Variants in CPEB4 observed in about 807,000 individuals in gnomAD.
CPEB4 encodes the protein cytoplasmic polyadenylation element-binding protein 4.
CPEB4 carries 12 observed loss-of-function variants against 72.5 expected under a neutral mutation model. The observed-to-expected ratio is 0.17, with a 90% CI of 0.11 to 0.27. CPEB4 has a LOEUF of 0.27. CPEB4 is among the 10% of genes least tolerant of loss of function. The pLI is 1.00. For missense variants in CPEB4, 614 were observed against 908.5 expected (o/e 0.68, Z 4.17); for synonymous variants, 302 against 326.3 (o/e 0.93, Z 0.80).
rs369311710 is a variant in CPEB4, at chr5:173,890,579, C to G, written c.846C>G (p.Pro282=). ...PHLANNLNKP[P]SPWSSYQSPS... Reference sequence around the variant, plus strand: ...TGGCGAATAATCTTAACAAACCCCCCTCTCCGTGGAGCAGCTACCAGAGTC... The same window carrying G: ...TGGCGAATAATCTTAACAAACCCCCGTCTCCGTGGAGCAGCTACCAGAGTC... The change falls in exon 1 of 10, where the codon CCC becomes CCG. Residue 282 remains proline (P), a synonymous_variant. Coordinates refer to ENST00000265085, the MANE Select transcript of CPEB4 (RefSeq NM_030627.4). 5.1e-5 allele frequency: 83 copies of G among 1,614,054 alleles called. No homozygotes were observed. The highest frequency in any genetic ancestry group is 2.1e-5 in the Non-Finnish European group (25 of 1,180,026).
intron 1 of CPEB4, among the ~76,000 whole-genome samples, chr5:173,905,019 A>T (rs2922298): frequency 0.1 from 4,243 of 40,634 alleles, 75 homozygotes; most frequent in Middle Eastern, 0.2. Context: ...ATAATAATAA[A>T]AAAATGTAAC....
intron 2 of CPEB4, among the ~76,000 whole-genome samples, chr5:173,914,038 G>A (rs562160255): frequency 6.6e-6 from 1 of 152,356 alleles, no homozygotes; most frequent in East Asian, 1.9e-4. Flanking sequence ...TCTGGCTTGA[G>A]TATATTACAG....
chr5:173,954,000 C>G (rs894045719), intron 9 of CPEB4, among the ~76,000 whole-genome samples: 2 of 152,046 alleles, frequency 1.3e-5, no homozygotes, highest in Admixed American at 1.3e-4. Flanking sequence ...AATGTTTGGT[C>G]CAGCTGGCGA....
In CPEB4 at chr5:173,888,435, A is replaced by C. The variant is rs936913753; in HGVS notation, c.-1299A>C. ...CGGTGGCGGCGGCGGCGGCGGCAGC[A>C]GCGGCGACAGCAGAGGAGGAAGAGG... On this transcript the variant is annotated 5_prime_UTR_variant, in exon 1 of 10. Coordinates refer to ENST00000265085, the MANE Select transcript of CPEB4 (RefSeq NM_030627.4). This position sits in a 1 kb window ranked among gnomAD's most constrained non-coding sequence, Gnocchi z 4.3. 1.5e-5 allele frequency: 7 copies of C among 456,784 alleles called. No individual in the cohort carries two copies. The Admixed American group carries it at 2.9e-4, about 19-fold the overall frequency. The allele number at this position is 456,784 out of a possible 1,614,324, so 28.3% of individuals were successfully genotyped here.
At chr5:173,893,285 TATC>T (rs1755882483) in intron 1 of CPEB4, 2 of 152,120 alleles carry the variant, frequency 1.3e-5, no homozygotes, top group African/African-American at 4.8e-5. Context: ...TGAGAAAAAG[TATC>T]ATTTTAAGTT....
chr5:173,916,200 CATATT>C (rs1441724254), intron 2 of CPEB4, among the ~76,000 whole-genome samples: 2 of 152,156 alleles, frequency 1.3e-5, no homozygotes, highest in African/African-American at 4.8e-5. Context: ...ACTTAGATAT[CATATT>C]ATTCCTTTGA....
intron 2 of CPEB4, among the ~76,000 whole-genome samples, chr5:173,919,333 T>C (rs1307867529): frequency 6.6e-6 from 1 of 152,162 alleles, no homozygotes; most frequent in African/African-American, 2.4e-5. Flanking sequence ...AGAATGACAA[T>C]TAAGTAGTAA....
rs1299830888 is a variant in CPEB4, at chr5:173,954,322, G to C, written c.1962+1050G>C. Reference sequence around the variant, plus strand: ...AACTGTGAATCTATTAAAGAGAAAAGTATCTGTTCTATTCTAAGCATGGGG... The same window carrying C: ...AACTGTGAATCTATTAAAGAGAAAACTATCTGTTCTATTCTAAGCATGGGG... On this transcript the variant is annotated intron_variant, in intron 9 of 9. Coordinates refer to ENST00000265085, the MANE Select transcript of CPEB4 (RefSeq NM_030627.4). Among the ~76,000 whole-genome samples the C allele has an allele frequency of 2.0e-5, 3 of 152,244 alleles. No homozygotes were observed. In the East Asian group the frequency reaches 5.8e-4, roughly 29 times the overall value.
At chr5:173,945,449 C>T (rs987769760) in intron 5 of CPEB4, among the ~76,000 whole-genome samples, 11 of 152,028 alleles carry the variant, frequency 7.2e-5, no homozygotes, top group African/African-American at 2.2e-4. Flanking sequence ...TCTGTGTGTG[C>T]TACTTTGGAC....
chr5:173,940,078 A>G (rs2113262620), intron 3 of CPEB4, among the ~76,000 whole-genome samples: 1 of 152,262 alleles, frequency 6.6e-6, no homozygotes, highest in Middle Eastern at 3.4e-3. Flanking sequence ...ACCGCACTCC[A>G]GCCTGGGCGA....
chr5:173,893,372 C>G (rs1755885761), intron 1 of CPEB4, among the ~76,000 whole-genome samples: 1 of 151,970 alleles, frequency 6.6e-6, no homozygotes, highest in Admixed American at 6.6e-5. Context: ...ATCCCAGCTA[C>G]TTGGGAGGCT....
intron 2 of CPEB4, among the ~76,000 whole-genome samples, chr5:173,925,649 G>T (rs1479425411): frequency 6.6e-6 from 1 of 152,138 alleles, no homozygotes; most frequent in East Asian, 1.9e-4. Flanking sequence ...TTTGCTGTCC[G>T]ATGTCCAGGT....
intron 2 of CPEB4, among the ~76,000 whole-genome samples, chr5:173,915,536 C>G (rs189570111): frequency 3.3e-5 from 5 of 152,202 alleles, no homozygotes; most frequent in Admixed American, 3.3e-4. Flanking sequence ...CCCCAGAGAC[C>G]GAATTCATTT....
chr5:173,899,224 A>G (rs1376651856), intron 1 of CPEB4, among the ~76,000 whole-genome samples: 1 of 152,150 alleles, frequency 6.6e-6, no homozygotes, highest in Non-Finnish European at 1.5e-5. Context: ...GGCTTCAACA[A>G]TTATCAGCTC....
rs144636761 is a variant in CPEB4 at position 173,930,039 on chromosome 5, C to T, written c.1208-2411C>T. On this transcript the variant is annotated intron_variant, in intron 2 of 9. Transcript: ENST00000265085. Reference sequence around the variant, plus strand: ...TTAGTTGTGATTCAGAAACAGTACTCTGTTCCCACCTCCCAAGTTTTTTTT... The same window carrying T: ...TTAGTTGTGATTCAGAAACAGTACTTTGTTCCCACCTCCCAAGTTTTTTTT... 6.9e-3 allele frequency among the ~76,000 whole-genome samples: 1,045 copies of T among 151,314 alleles called. 5 individuals are homozygous for T. The highest frequency in any genetic ancestry group is 0.019 in the African/African-American group (778 of 41,288).
At chr5:173,952,065 G>A (rs1758232859) in intron 8 of CPEB4, 127 bp downstream of exon 8, 2 of 663,914 alleles carry the variant, frequency 3.0e-6, no homozygotes, top group South Asian at 1.9e-5. Flanking sequence ...AAAATATCTG[G>A]GTTTGAATTC....
chr5:173,919,085 T>C (rs1319560151), intron 2 of CPEB4, among the ~76,000 whole-genome samples: 1 of 152,232 alleles, frequency 6.6e-6, no homozygotes, highest in African/African-American at 2.4e-5. Flanking sequence ...AAAGTTCCCT[T>C]ATAATATGGT....
intron 3 of CPEB4, among the ~76,000 whole-genome samples, chr5:173,940,069 C>T (rs1757781734): frequency 6.6e-6 from 1 of 151,668 alleles, no homozygotes; most frequent in South Asian, 2.1e-4. Context: ...GATCGTGCCA[C>T]CGCACTCCAG....
At chr5:173,921,758 A>G (rs1160402702) in intron 2 of CPEB4, among the ~76,000 whole-genome samples, 2 of 152,196 alleles carry the variant, frequency 1.3e-5, no homozygotes, top group Non-Finnish European at 2.9e-5. Context: ...ACCTCCACAA[A>G]TATTTGAACA....
Sources: gnomAD v4.1 joint callset for allele counts (sites outside exome capture counted in the v4.1 genomes callset) on GRCh38, gnomAD v4.1.1 for gene constraint, Gnocchi (gnomAD v3.1) non-coding constraint, MANE v1.5 for transcripts, NCBI Gene and HGNC (gene_info 2026-07-23, HGNC 2026-07-21) for gene names.